CA10: variants seen among roughly 807,000 people sequenced by gnomAD.
CA10 encodes the protein carbonic anhydrase 10 (inactive).
Under a neutral mutation model 44.2 loss-of-function variants are expected in CA10, and 14 were observed. The observed-to-expected ratio is 0.32, with a 90% CI of 0.21 to 0.50. CA10 has a LOEUF of 0.50. Ranked by LOEUF, CA10 falls within the 20% of genes least tolerant of loss-of-function variation. CA10 has a pLI of 0.99. For missense variants in CA10, 350 were observed against 409.7 expected (o/e 0.85, Z 1.26); for synonymous variants, 159 against 141.6 (o/e 1.12, Z -0.87).
chr17:51,698,291 C>T (rs916945903), intron 4 of CA10, among the ~76,000 whole-genome samples: 4 of 152,188 alleles, frequency 2.6e-5, no homozygotes, highest in East Asian at 1.9e-4. Flanking sequence ...AGTGAAGCAG[C>T]GTGTGCTCCA....
At chr17:51,877,822 T>C (rs188513148) in intron 3 of CA10, among the ~76,000 whole-genome samples, 2 of 152,098 alleles carry the variant, frequency 1.3e-5, no homozygotes, top group Admixed American at 1.3e-4. Flanking sequence ...TTCCTAAGAA[T>C]ATAAAGAGAG....
At chr17:51,840,896 A>C (rs1978313814) in intron 3 of CA10, among the ~76,000 whole-genome samples, 1 of 152,326 alleles carries the variant, frequency 6.6e-6, no homozygotes, top group East Asian at 1.9e-4. Flanking sequence ...AGGGAGAACA[A>C]ACTCACAGTT....
intron 2 of CA10, among the ~76,000 whole-genome samples, chr17:51,962,675 A>T (rs915619220): frequency 6.6e-6 from 1 of 152,176 alleles, no homozygotes; most frequent in African/African-American, 2.4e-5. Context: ...CATATTCAAC[A>T]TTCTCTATGG....
intron 2 of CA10, among the ~76,000 whole-genome samples, chr17:52,065,952 CA>C (rs1987525092): frequency 6.6e-6 from 1 of 152,180 alleles, no homozygotes; most frequent in Non-Finnish European, 1.5e-5. Flanking sequence ...GTTTTCATCG[CA>C]TCCAGTTGTT....
chr17:52,008,731 A>G (rs925757416), intron 2 of CA10, among the ~76,000 whole-genome samples: 1 of 151,866 alleles, frequency 6.6e-6, no homozygotes, highest in Non-Finnish European at 1.5e-5. Context: ...AACTTGCTCA[A>G]TTAAAAAAAT....
chr17:51,793,456 A>G (rs1906597329), intron 3 of CA10, among the ~76,000 whole-genome samples: 1 of 152,226 alleles, frequency 6.6e-6, no homozygotes, highest in African/African-American at 2.4e-5. Context: ...GACTGGAATG[A>G]TAATCCCTGA....
chr17:51,769,522 A>G (rs564034068), intron 3 of CA10, among the ~76,000 whole-genome samples: 1 of 152,254 alleles, frequency 6.6e-6, no homozygotes, highest in South Asian at 2.1e-4. Context: ...GGGTACTCAG[A>G]AACATTTCTG....
At chr17:51,666,496 C>T (rs1008835386) in intron 4 of CA10, among the ~76,000 whole-genome samples, 1 of 152,124 alleles carries the variant, frequency 6.6e-6, no homozygotes, top group African/African-American at 2.4e-5. Flanking sequence ...AGGGAAGTGA[C>T]CCTTTACTGT....
At chr17:51,807,904 C>G (rs935720925) in intron 3 of CA10, among the ~76,000 whole-genome samples, 1 of 152,148 alleles carries the variant, frequency 6.6e-6, no homozygotes, top group African/African-American at 2.4e-5. Context: ...TGTTCTGTGT[C>G]TGGATCTGGT....
chr17:52,056,448 C>T (rs1987233856), intron 2 of CA10, among the ~76,000 whole-genome samples: 1 of 152,042 alleles, frequency 6.6e-6, no homozygotes. Flanking sequence ...TGAGGCTGGG[C>T]TGGGAAAGAG....
At chr17:52,018,866 G>T (rs1986050202) in intron 2 of CA10, among the ~76,000 whole-genome samples, 1 of 130,696 alleles carries the variant, frequency 7.7e-6, no homozygotes, top group Non-Finnish European at 1.7e-5. Flanking sequence ...GGAGGTGTTT[G>T]GGTCACGGGG....
chr17:51,800,373 C>A (rs564970569), intron 3 of CA10, among the ~76,000 whole-genome samples: 16 of 152,172 alleles, frequency 1.1e-4, no homozygotes, highest in Non-Finnish European at 2.2e-4. Flanking sequence ...ACTTCTAATG[C>A]ATTTCTTAAT....
intron 3 of CA10, among the ~76,000 whole-genome samples, chr17:51,758,972 T>G (rs1434010218): frequency 1.3e-5 from 2 of 152,148 alleles, no homozygotes; most frequent in African/African-American, 4.8e-5. Flanking sequence ...TGCTTCACTG[T>G]GCTTCTCTTA....
intron 3 of CA10, among the ~76,000 whole-genome samples, chr17:51,845,717 C>A (rs574298288): frequency 4.6e-5 from 7 of 152,176 alleles, no homozygotes; most frequent in Non-Finnish European, 1.0e-4. Flanking sequence ...CCTTGTCCAC[C>A]TCTTTTCCTG....
intron 2 of CA10, among the ~76,000 whole-genome samples, chr17:51,935,225 G>A (rs553905604): frequency 5.2e-4 from 79 of 152,246 alleles, no homozygotes; most frequent in African/African-American, 1.4e-3. Flanking sequence ...CTATTTCCAA[G>A]GTAAGAGAAA....
chr17:52,086,232 C>T (rs146926495), intron 1 of CA10, among the ~76,000 whole-genome samples: 3 of 152,214 alleles, frequency 2.0e-5, no homozygotes, highest in African/African-American at 7.2e-5. Context: ...AGTTTACCTG[C>T]GAGAACAGGC....
At chr17:51,744,035 C>A (rs1269860554) in intron 4 of CA10, among the ~76,000 whole-genome samples, 1 of 152,104 alleles carries the variant, frequency 6.6e-6, no homozygotes, top group Admixed American at 6.5e-5. Context: ...ATAAGAAAAT[C>A]ATGGATTGGT....
At chr17:51,961,188 A>AAC (rs71149387) in intron 2 of CA10, among the ~76,000 whole-genome samples, 6,438 of 144,964 alleles carry the variant, frequency 0.044, 163 homozygotes, top group African/African-American at 0.076. Flanking sequence ...TGTACACACA[A>AAC]ACACACACAC....
At chr17:51,975,594 C>T (rs986247318) in intron 2 of CA10, among the ~76,000 whole-genome samples, 1 of 152,156 alleles carries the variant, frequency 6.6e-6, no homozygotes, top group Non-Finnish European at 1.5e-5. Flanking sequence ...GCAGGAGAAT[C>T]GTCTGAACCC....
Sources: gnomAD v4.1 joint callset for allele counts (sites outside exome capture counted in the v4.1 genomes callset) on GRCh38, gnomAD v4.1.1 for gene constraint, MANE v1.5 for transcripts, NCBI Gene and HGNC (gene_info 2026-07-23, HGNC 2026-07-21) for gene names.